Variants in SV2C observed in about 807,000 individuals in gnomAD.
The protein encoded by SV2C is synaptic vesicle glycoprotein 2C.
In SV2C, 49 loss-of-function variants were observed where a neutral mutation model predicts 79.7. The ratio of observed to expected loss-of-function variants is 0.61; its 90% CI spans 0.49 to 0.78. The LOEUF (loss-of-function observed/expected upper bound fraction) is 0.78. Ranked by LOEUF, SV2C falls within the 30% of genes least tolerant of loss-of-function variation. The probability of loss-of-function intolerance (pLI) is 0.00; values close to 1 mark genes in which losing one functional copy is unlikely to be tolerated. For missense variants in SV2C, 833 were observed against 912.9 expected, an observed-to-expected ratio of 0.91 and a Z score of 1.13; for synonymous variants, 334 against 333.2, an observed-to-expected ratio of 1.00 and a Z score of -0.03.
chr5:76,092,596 A>C (rs546679769), intron 1 of SV2C, among the ~76,000 whole-genome samples: 3 of 152,028 alleles, frequency 2.0e-5, no homozygotes, highest in Non-Finnish European at 4.4e-5. Context: ...TCCTCAATAA[A>C]TCTTATTTGT....
chr5:76,250,200 T>A (rs1746070732), intron 4 of SV2C, among the ~76,000 whole-genome samples: 1 of 135,722 alleles, frequency 7.4e-6, no homozygotes, highest in African/African-American at 2.5e-5. Flanking sequence ...TTGCGCGTCC[T>A]GCTTTTTTTA....
the SV2C span, among the ~76,000 whole-genome samples, chr5:75,918,915 G>A: frequency 6.6e-6 from 1 of 152,216 alleles, no homozygotes; most frequent in Non-Finnish European, 1.5e-5. Context: ...AGGGTAGTAC[G>A]TATGTGAAGC....
At chr5:75,968,776 C>T in the SV2C span, among the ~76,000 whole-genome samples, 12 of 152,268 alleles carry the variant, frequency 7.9e-5, no homozygotes, top group Middle Eastern at 3.4e-3. Context: ...GGAGAACTTC[C>T]CCAACCTATC....
At chr5:76,173,806 T>C (rs781603311) in intron 2 of SV2C, 3 of 1,602,038 alleles carry the variant, frequency 1.9e-6, no homozygotes, top group Non-Finnish European at 2.6e-6. Context: ...GTTCCTTCCC[T>C]ACAACTCTTT....
At chr5:75,910,798 C>A in the SV2C span, 2 of 1,339,746 alleles carry the variant, frequency 1.5e-6, no homozygotes, top group Non-Finnish European at 1.1e-6. Context: ...GCTATGTGAC[C>A]ATCTTCCAAA....
downstream of SV2C, among the ~76,000 whole-genome samples, chr5:76,336,076 C>T (rs1332775467): frequency 1.5e-4 from 9 of 59,856 alleles, no homozygotes; most frequent in South Asian, 4.1e-4. Flanking sequence ...CCCTCCCGGA[C>T]GGGGCGGCTG....
the SV2C span, among the ~76,000 whole-genome samples, chr5:76,065,670 C>G: frequency 2.0e-5 from 3 of 152,098 alleles, no homozygotes; most frequent in Admixed American, 2.0e-4. Context: ...TTTTTACACT[C>G]TAGGTTTTTC....
rs759532322 is a variant in SV2C at position 76,291,351 on chromosome 5, A to G, written c.1248+20A>G. 4.5e-6 allele frequency: 7 copies of G among 1,549,678 alleles called. No individual in the cohort carries two copies. In the South Asian group the frequency reaches 4.7e-5, roughly 10 times the overall value. On this transcript the variant is annotated intron_variant, in intron 7 of 12. Coordinates refer to ENST00000502798, the MANE Select transcript of SV2C (RefSeq NM_014979.4). ...TACGGAGTAAGTAACAAGTCCCATGATGACCTGCATGTTAATTTATTGCAT... is the reference window on the plus strand; with the variant it reads ...TACGGAGTAAGTAACAAGTCCCATGGTGACCTGCATGTTAATTTATTGCAT...
intron 10 of SV2C, among the ~76,000 whole-genome samples, chr5:76,299,898 A>G (rs1172105633): frequency 6.6e-6 from 1 of 152,194 alleles, no homozygotes; most frequent in South Asian, 2.1e-4. Flanking sequence ...TTCAAATTCA[A>G]GAAAAGATTA....
intron 1 of SV2C, among the ~76,000 whole-genome samples, chr5:76,099,595 G>A (rs1472193842): frequency 6.6e-6 from 1 of 152,132 alleles, no homozygotes; most frequent in African/African-American, 2.4e-5. Flanking sequence ...CTCTTTCATA[G>A]CAGTTTTCAC....
At chr5:76,155,285 A>G (rs768285830) in intron 2 of SV2C, among the ~76,000 whole-genome samples, 2 of 152,210 alleles carry the variant, frequency 1.3e-5, no homozygotes, top group Non-Finnish European at 2.9e-5. Context: ...GCATATGGGC[A>G]TTCAGCAAAT....
chr5:76,300,685 C>T (rs748694346), intron 10 of SV2C, 44 bp from the exon 11 acceptor site: 2 of 1,585,770 alleles, frequency 1.3e-6, no homozygotes, highest in East Asian at 4.5e-5. Flanking sequence ...CTGGTGCATG[C>T]CTGGTAAGAG....
At chr5:76,008,551 A>G in the SV2C span, among the ~76,000 whole-genome samples, 3 of 152,072 alleles carry the variant, frequency 2.0e-5, no homozygotes, top group Non-Finnish European at 4.4e-5. Flanking sequence ...CCATCTCCAT[A>G]CTACAGGAAA....
the SV2C span, among the ~76,000 whole-genome samples, chr5:75,989,405 T>A: frequency 6.6e-6 from 1 of 152,100 alleles, no homozygotes. Context: ...GTTCCTGTGT[T>A]AGTTTGCTGA....
chr5:75,939,534 C>CG, the SV2C span, among the ~76,000 whole-genome samples: 1 of 152,016 alleles, frequency 6.6e-6, no homozygotes, highest in African/African-American at 2.4e-5. Flanking sequence ...AATTTTTTTG[C>CG]GGGGTAGGGG....
chr5:76,280,151 G>A (rs1747138850), intron 4 of SV2C, among the ~76,000 whole-genome samples: 1 of 152,086 alleles, frequency 6.6e-6, no homozygotes, highest in Non-Finnish European at 1.5e-5. Context: ...GGTATAAAAT[G>A]GTTTTGGATA....
rs1299667543 is a variant in SV2C at position 76,251,381 on chromosome 5, G to GA, written c.914-33775dup. On this transcript the variant is annotated intron_variant, in intron 4 of 12. Transcript: ENST00000502798. ...AATATGACAAGACCCTGTCTCTACA[G>GA]AAAAAATAATAATAATAATAATTAG... Among the ~76,000 whole-genome samples, 8 of 151,804 alleles carry GA rather than the reference G, an allele frequency of 5.3e-5. No individual in the cohort carries two copies. In the South Asian group the frequency reaches 1.3e-3, roughly 24 times the overall value.
At chr5:76,019,929 T>C in the SV2C span, among the ~76,000 whole-genome samples, 1 of 152,166 alleles carries the variant, frequency 6.6e-6, no homozygotes, top group Non-Finnish European at 1.5e-5. Flanking sequence ...TGTTGAGTGA[T>C]ACTCACACTT....
Position 76,106,818 on chromosome 5 carries a change from TC to T in SV2C, c.-102+23307del, listed in dbSNP as rs1306633792. ...ATCCCCCTTGCCTTACTCTTTTTTT[TC>T]ATAGCATATATCATCTTCGAATAAA... On this transcript the variant is annotated intron_variant, in intron 1 of 12. Transcript: ENST00000502798. 2.0e-5 allele frequency among the ~76,000 whole-genome samples: 3 copies of T among 152,316 alleles called. No individual in the cohort carries two copies. The East Asian group carries it at 5.8e-4, about 29-fold the overall frequency.
Sources: gnomAD v4.1 joint callset for allele counts (sites outside exome capture counted in the v4.1 genomes callset) on GRCh38, gnomAD v4.1.1 for gene constraint, MANE v1.5 for transcripts, NCBI Gene and HGNC (gene_info 2026-07-23, HGNC 2026-07-21) for gene names.